The following CAST variants were observed in gnomAD, a reference collection of about 807,000 sequenced individuals.
CAST encodes calpastatin.
In CAST, 76 loss-of-function variants were observed where a neutral mutation model predicts 119.6. The ratio of observed to expected loss-of-function variants is 0.64; its 90% CI spans 0.53 to 0.77. The LOEUF is 0.77. Among genes scored for constraint, CAST ranks in the 30% least tolerant of loss-of-function variants. The probability of loss-of-function intolerance (pLI) is 0.00; values close to 1 mark genes in which losing one functional copy is unlikely to be tolerated. For missense variants in CAST, 953 were observed against 946.5 expected (o/e 1.01, Z -0.09); for synonymous variants, 319 against 331.6 (o/e 0.96, Z 0.41).
At chr5:96,524,857 C>T (rs921968045), upstream of CAST, among the ~76,000 whole-genome samples, 25 of 152,158 alleles carry the variant, frequency 1.6e-4, no homozygotes, top group African/African-American at 6.0e-4. Flanking sequence ...AATATTGATT[C>T]TTGCTATAAA....
intron 3 of CAST, among the ~76,000 whole-genome samples, chr5:96,714,040 C>T (rs999968741): frequency 6.6e-6 from 1 of 152,252 alleles, no homozygotes; most frequent in South Asian, 2.1e-4. Flanking sequence ...AGCAAAGAAA[C>T]TTTCGAGGCT....
At chr5:96,304,236 A>G in the CAST span, among the ~76,000 whole-genome samples, 2 of 152,214 alleles carry the variant, frequency 1.3e-5, no homozygotes, top group Admixed American at 1.3e-4. Context: ...TTTTGGCCAC[A>G]TAAACGTCTT....
In CAST at chr5:96,729,687, G is replaced by T. The variant is rs1354439299; in HGVS notation, c.511G>T (p.Ala171Ser). Reference protein sequence around the residue: ...AHNKKAVSRSAEQQPSEKSTE... With the variant: ...AHNKKAVSRSSEQQPSEKSTE... Reference sequence around the variant, plus strand: ...CAATAAAAAAGCAGTTTCCAGATCAGCTGAACAGCAGCCATCAGAGAAATC... The same window carrying T: ...CAATAAAAAAGCAGTTTCCAGATCATCTGAACAGCAGCCATCAGAGAAATC... Residue 171 changes from alanine (A) to serine (S), a missense_variant, in exon 8 of 32, where the codon GCT becomes TCT. Coordinates refer to ENST00000675179, the MANE Select transcript of CAST (RefSeq NM_001750.7). 9.5e-6 allele frequency: 15 copies of T among 1,580,916 alleles called. No homozygotes were observed. Among genetic ancestry groups the T allele is most frequent in the Non-Finnish European group, 1.3e-5 (15 of 1,149,824 alleles).
At chr5:96,330,498 A>G in the CAST span, among the ~76,000 whole-genome samples, 1 of 152,186 alleles carries the variant, frequency 6.6e-6, no homozygotes, top group Admixed American at 6.5e-5. Flanking sequence ...ACACCTTTTC[A>G]ATAGCTCGTC....
the CAST span, among the ~76,000 whole-genome samples, chr5:95,981,154 C>G: frequency 6.6e-6 from 1 of 152,166 alleles, no homozygotes; most frequent in South Asian, 2.1e-4. Flanking sequence ...TGAGCTGAGG[C>G]TCCAAGCACC....
chr5:96,001,558 A>G, the CAST span, among the ~76,000 whole-genome samples: 1 of 152,252 alleles, frequency 6.6e-6, no homozygotes, highest in African/African-American at 2.4e-5. Flanking sequence ...AGAAAGGCAC[A>G]TAACACTTGG....
At chr5:96,558,701 T>C (rs11744742) in intron 1 of CAST, among the ~76,000 whole-genome samples, 6,249 of 152,208 alleles carry the variant, frequency 0.041, 214 homozygotes, top group African/African-American at 0.089. Context: ...GGCTCTGAAA[T>C]TGAGGCAATA....
At chr5:96,107,997 T>G in the CAST span, among the ~76,000 whole-genome samples, 7 of 152,164 alleles carry the variant, frequency 4.6e-5, no homozygotes, top group African/African-American at 1.7e-4. Flanking sequence ...CTGATACCCT[T>G]TCTTCCAGTT....
intron 1 of CAST, among the ~76,000 whole-genome samples, chr5:96,666,581 G>A (rs1401052260): frequency 8.5e-5 from 13 of 152,124 alleles, no homozygotes; most frequent in Admixed American, 8.5e-4. Flanking sequence ...AACTAAGGAA[G>A]GCAAATAACA....
the CAST span, among the ~76,000 whole-genome samples, chr5:95,979,460 G>T: frequency 4.1e-4 from 63 of 152,178 alleles, 1 homozygote; most frequent in Non-Finnish European, 8.4e-4. Context: ...GATTGACACT[G>T]CCCAGGATAG....
chr5:96,182,829 C>T, the CAST span, among the ~76,000 whole-genome samples: 1 of 152,020 alleles, frequency 6.6e-6, no homozygotes, highest in African/African-American at 2.4e-5. Flanking sequence ...GTTTATAATA[C>T]AGTCTACTTT....
chr5:96,340,495 GT>G, the CAST span, among the ~76,000 whole-genome samples: 1 of 152,160 alleles, frequency 6.6e-6, no homozygotes, highest in Non-Finnish European at 1.5e-5. Flanking sequence ...GGAACTGTGG[GT>G]TTTTAGTAAG....
intron 1 of CAST, among the ~76,000 whole-genome samples, chr5:96,576,617 T>A (rs1746675771): frequency 6.6e-6 from 1 of 152,046 alleles, no homozygotes; most frequent in Non-Finnish European, 1.5e-5. Flanking sequence ...AGTGCTGGGA[T>A]TACAGGTGTG....
intron 1 of CAST, among the ~76,000 whole-genome samples, chr5:96,620,173 T>C (rs963404594): frequency 1.3e-5 from 2 of 152,212 alleles, no homozygotes; most frequent in Middle Eastern, 3.2e-3. Context: ...TCTCCTCCCT[T>C]GTCCTCTAGA....
At chr5:96,396,202 A>G in the CAST span, among the ~76,000 whole-genome samples, 2 of 152,220 alleles carry the variant, frequency 1.3e-5, no homozygotes, top group Non-Finnish European at 2.9e-5. Flanking sequence ...AAAATGTAAC[A>G]AACGACTATA....
the CAST span, among the ~76,000 whole-genome samples, chr5:96,166,743 A>C: frequency 6.6e-6 from 1 of 152,248 alleles, no homozygotes; most frequent in Non-Finnish European, 1.5e-5. Flanking sequence ...TGGATCATAC[A>C]GGACCCAAAC....
the CAST span, among the ~76,000 whole-genome samples, chr5:96,447,422 C>T: frequency 2.0e-5 from 3 of 152,152 alleles, no homozygotes; most frequent in Admixed American, 1.3e-4. Flanking sequence ...GAATAGCCAC[C>T]GACTACATAT....
At chr5:96,290,019 T>A in the CAST span, among the ~76,000 whole-genome samples, 1 of 152,200 alleles carries the variant, frequency 6.6e-6, no homozygotes, top group Admixed American at 6.6e-5. Flanking sequence ...TAGATGAAAG[T>A]AATGATATTT....
the CAST span, among the ~76,000 whole-genome samples, chr5:95,980,075 A>G: frequency 0.035 from 5,263 of 152,138 alleles, 310 homozygotes; most frequent in African/African-American, 0.12. Flanking sequence ...CCAAGGTCAC[A>G]CCATCGCACT....
Sources: allele counts gnomAD v4.1 joint callset (sites outside exome capture counted in the v4.1 genomes callset), GRCh38; gene constraint gnomAD v4.1.1; transcripts MANE v1.5; gene names NCBI Gene and HGNC (gene_info 2026-07-23, HGNC 2026-07-21).